Variants in ZFHX3 observed in about 807,000 individuals in gnomAD.
ZFHX3 encodes the protein zinc finger homeobox 3.
Under a neutral mutation model 279.1 loss-of-function variants are expected in ZFHX3, and 42 were observed. The observed-to-expected ratio is 0.15, with a 90% CI of 0.12 to 0.19. The LOEUF is 0.19. Ranked by LOEUF, ZFHX3 falls within the 10% of genes least tolerant of loss-of-function variation. The probability of loss-of-function intolerance (pLI) is 1.00; values close to 1 mark genes in which losing one functional copy is unlikely to be tolerated. For synonymous variants in ZFHX3, 2,293 were observed against 1,957.8 expected (o/e 1.17, Z -4.52); for missense variants, 4,981 against 4,754.0 (o/e 1.05, Z -1.40).
At chr16:72,879,344 A>G (rs1365385717) in intron 4 of ZFHX3, among the ~76,000 whole-genome samples, 2 of 152,174 alleles carry the variant, frequency 1.3e-5, no homozygotes, top group African/African-American at 2.4e-5. Context: ...ATCTACCCCA[A>G]CCAGAGCACA....
chr16:72,809,783 C>T (rs1383420975), intron 7 of ZFHX3: 1 of 152,012 alleles, frequency 6.6e-6, no homozygotes, highest in Non-Finnish European at 1.5e-5. Flanking sequence ...CGTGAAAAGG[C>T]AATCAAATTA....
intron 2 of ZFHX3, among the ~76,000 whole-genome samples, chr16:72,955,962 T>C (rs1392662940): frequency 6.6e-6 from 1 of 152,202 alleles, no homozygotes; most frequent in Non-Finnish European, 1.5e-5. Flanking sequence ...CATCTCCTGG[T>C]GTGCATGGTT....
intron 1 of ZFHX3, among the ~76,000 whole-genome samples, chr16:73,729,563 A>C (rs76007458): frequency 2.0e-5 from 3 of 151,214 alleles, no homozygotes; most frequent in East Asian, 2.0e-4. Context: ...CCAAAAAAAA[A>C]AAAAAAAACC....
chr16:72,888,067 T>A (rs1376165919), intron 4 of ZFHX3, among the ~76,000 whole-genome samples: 1 of 152,024 alleles, frequency 6.6e-6, no homozygotes, highest in Non-Finnish European at 1.5e-5. Flanking sequence ...GAAACAGTCG[T>A]AGAAGTATGA....
intron 1 of ZFHX3, among the ~76,000 whole-genome samples, chr16:73,814,483 G>C (rs1242598796): frequency 6.6e-6 from 1 of 152,012 alleles, no homozygotes; most frequent in Non-Finnish European, 1.5e-5. Context: ...TAGACTTTTG[G>C]TAAAGATGCA....
At chr16:73,789,126 A>C (rs548923206) in intron 1 of ZFHX3, among the ~76,000 whole-genome samples, 1 of 151,446 alleles carries the variant, frequency 6.6e-6, no homozygotes, top group Non-Finnish European at 1.5e-5. Context: ...TATGATATCT[A>C]TATGATAGAT....
At chr16:73,705,101 G>C (rs1000848111) in intron 1 of ZFHX3, among the ~76,000 whole-genome samples, 1 of 152,106 alleles carries the variant, frequency 6.6e-6, no homozygotes, top group African/African-American at 2.4e-5. Flanking sequence ...CTCAAGACAA[G>C]AGCATACAGA....
At chr16:73,798,465 T>A (rs942515212) in intron 1 of ZFHX3, among the ~76,000 whole-genome samples, 1 of 150,628 alleles carries the variant, frequency 6.6e-6, no homozygotes, top group Non-Finnish European at 1.5e-5. Context: ...AGAGGAGAGA[T>A]ACCCCCCAAA....
chr16:73,764,596 G>A (rs892408054), intron 1 of ZFHX3, among the ~76,000 whole-genome samples: 3 of 152,164 alleles, frequency 2.0e-5, no homozygotes, highest in Non-Finnish European at 2.9e-5. Flanking sequence ...AAAAGGGAAT[G>A]ATCCCTGGCT....
chr16:73,229,587 AGAAT>A (rs2012708809), intron 5 of ZFHX3, among the ~76,000 whole-genome samples: 1 of 152,240 alleles, frequency 6.6e-6, no homozygotes, highest in Non-Finnish European at 1.5e-5. Flanking sequence ...GTAGATAGAC[AGAAT>A]GAGATTTACA....
intron 3 of ZFHX3, among the ~76,000 whole-genome samples, chr16:73,323,408 G>A (rs989655086): frequency 6.6e-6 from 1 of 152,140 alleles, no homozygotes; most frequent in Non-Finnish European, 1.5e-5. Flanking sequence ...CTGAAGCCAA[G>A]GGAAAAGTGG....
chr16:73,782,631 G>A (rs941355182), intron 1 of ZFHX3, among the ~76,000 whole-genome samples: 1 of 152,250 alleles, frequency 6.6e-6, no homozygotes, highest in South Asian at 2.1e-4. Context: ...GAGGCCAAAC[G>A]AATAGGTCTG....
intron 1 of ZFHX3, among the ~76,000 whole-genome samples, chr16:73,843,498 C>A: frequency 6.6e-6 from 1 of 152,174 alleles, no homozygotes; most frequent in East Asian, 1.9e-4. Flanking sequence ...GGTCTTACAG[C>A]GGTGTAGAGA....
intron 7 of ZFHX3, chr16:72,808,052 T>A (rs560637894): frequency 3.3e-5 from 5 of 152,192 alleles, no homozygotes; most frequent in Non-Finnish European, 7.3e-5. Context: ...TGAACAAACA[T>A]ATATCGTTAG....
intron 2 of ZFHX3, among the ~76,000 whole-genome samples, chr16:73,502,041 T>C (rs1037309644): frequency 6.6e-5 from 10 of 151,362 alleles, no homozygotes; most frequent in African/African-American, 2.4e-4. Context: ...TTTCTGTTTC[T>C]CTCCACCAGG....
chr16:73,847,541 A>G (rs760098470), intron 1 of ZFHX3, among the ~76,000 whole-genome samples: 5 of 152,114 alleles, frequency 3.3e-5, no homozygotes, highest in Non-Finnish European at 7.3e-5. Context: ...TATAATAACT[A>G]GAGTGACATC....
chr16:73,446,271 G>A (rs2018183602), intron 3 of ZFHX3, among the ~76,000 whole-genome samples: 1 of 152,098 alleles, frequency 6.6e-6, no homozygotes, highest in Admixed American at 6.6e-5. Flanking sequence ...CCCAAGACTG[G>A]GTAATCTATA....
chr16:73,059,943 C>G (rs539203581), upstream of ZFHX3, among the ~76,000 whole-genome samples: 1 of 152,116 alleles, frequency 6.6e-6, no homozygotes, highest in East Asian at 1.9e-4. Context: ...GGGATAACTT[C>G]AGGAAAGACA....
chr16:73,406,802 T>G (rs1042821297), intron 3 of ZFHX3, among the ~76,000 whole-genome samples: 1 of 152,232 alleles, frequency 6.6e-6, no homozygotes, highest in Non-Finnish European at 1.5e-5. Flanking sequence ...TGAAGATGTC[T>G]GCAAAAGAAC....
Sources: allele counts gnomAD v4.1 joint callset (sites outside exome capture counted in the v4.1 genomes callset), GRCh38; gene constraint gnomAD v4.1.1; transcripts MANE v1.5; gene names NCBI Gene and HGNC (gene_info 2026-07-23, HGNC 2026-07-21).